Variants in PLEKHA5 observed in about 807,000 individuals in gnomAD.
PLEKHA5 encodes the protein pleckstrin homology domain-containing family A member 5.
In PLEKHA5, 55 loss-of-function variants were observed where a neutral mutation model predicts 181.9. The ratio of observed to expected loss-of-function variants is 0.30; its 90% CI spans 0.24 to 0.38. The LOEUF is 0.38. Among genes scored for constraint, PLEKHA5 ranks in the 10% least tolerant of loss-of-function variants. The probability of loss-of-function intolerance (pLI) is 1.00; values close to 1 mark genes in which losing one functional copy is unlikely to be tolerated. For missense variants in PLEKHA5, 1,432 were observed against 1,549.5 expected (o/e 0.92, Z 1.27); for synonymous variants, 535 against 529.4 (o/e 1.01, Z -0.15).
chr12:19,244,559 C>T (rs2063293254), intron 3 of PLEKHA5, among the ~76,000 whole-genome samples: 1 of 152,200 alleles, frequency 6.6e-6, no homozygotes, highest in African/African-American at 2.4e-5. Context: ...GAAGAATTGC[C>T]AAATGGCAGC....
chr12:19,304,662 G>A (rs986448342), intron 15 of PLEKHA5, among the ~76,000 whole-genome samples: 1 of 152,028 alleles, frequency 6.6e-6, no homozygotes, highest in African/African-American at 2.4e-5. Context: ...CAATACTCAA[G>A]GCTGTCTTTC....
intron 3 of PLEKHA5, among the ~76,000 whole-genome samples, chr12:19,246,985 A>T (rs1335367916): frequency 6.6e-6 from 1 of 151,946 alleles, no homozygotes; most frequent in Non-Finnish European, 1.5e-5. Flanking sequence ...GCCTATTTTT[A>T]TTGGGGTTTA....
chr12:19,265,063 T>C (rs1472845625), intron 7 of PLEKHA5, among the ~76,000 whole-genome samples: 1 of 152,246 alleles, frequency 6.6e-6, no homozygotes, highest in Admixed American at 6.5e-5. Flanking sequence ...CACTATTGTA[T>C]ATCAGAATGA....
chr12:19,141,145 C>T (rs931341309), intron 3 of PLEKHA5, among the ~76,000 whole-genome samples: 3 of 152,018 alleles, frequency 2.0e-5, no homozygotes, highest in Non-Finnish European at 4.4e-5. Flanking sequence ...TTCTTCAAGG[C>T]TCTTCCTCAC....
rs1345900233 is a variant in PLEKHA5 at position 19,287,574 on chromosome 12, T to G, written c.1863+18T>G. 1 of 1,336,392 alleles carries G rather than the reference T, an allele frequency of 7.5e-7. No individual in the cohort carries two copies. The highest frequency in any genetic ancestry group is 2.3e-5 in the East Asian group (1 of 43,622). The allele number at this position is 1,336,392 out of a possible 1,614,324, so 82.8% of individuals were successfully genotyped here. Reference sequence around the variant, plus strand: ...GGAAAACGGTGAGTAATATCTTTATTTACCATACCATGTTTTATTTATGTG... The same window carrying G: ...GGAAAACGGTGAGTAATATCTTTATGTACCATACCATGTTTTATTTATGTG... On this transcript the variant is annotated intron_variant, in intron 13 of 31. Coordinates refer to ENST00000429027, the MANE Select transcript of PLEKHA5 (RefSeq NM_001256470.2).
chr12:19,191,165 A>G (rs1250993222), intron 3 of PLEKHA5, among the ~76,000 whole-genome samples: 1 of 152,150 alleles, frequency 6.6e-6, no homozygotes, highest in Non-Finnish European at 1.5e-5. Context: ...TGTTATTTTA[A>G]AGTACTGGTA....
chr12:19,242,884 A>C (rs61433700), intron 3 of PLEKHA5, among the ~76,000 whole-genome samples: 1 of 152,190 alleles, frequency 6.6e-6, no homozygotes, highest in African/African-American at 2.4e-5. Flanking sequence ...AATGGTAGAA[A>C]TGTGAGGTAA....
intron 3 of PLEKHA5, among the ~76,000 whole-genome samples, chr12:19,215,372 G>A (rs1297190492): frequency 1.3e-5 from 2 of 152,042 alleles, no homozygotes; most frequent in Non-Finnish European, 2.9e-5. Flanking sequence ...CAGACGCTGA[G>A]TAACTATTTA....
intron 30 of PLEKHA5, 50 bp from the exon 31 acceptor site, chr12:19,369,643 A>G (rs568468024): frequency 8.7e-7 from 1 of 1,146,036 alleles, no homozygotes; most frequent in African/African-American, 1.5e-5. Context: ...TACTTCTCCA[A>G]ATGTGTCTTA....
At chr12:19,286,819 A>G (rs2077300587) in intron 12 of PLEKHA5, among the ~76,000 whole-genome samples, 1 of 151,946 alleles carries the variant, frequency 6.6e-6, no homozygotes, top group East Asian at 2.0e-4. Context: ...TACAAAAATT[A>G]GTCAGACGTG....
At chr12:19,206,354 A>G (rs2055513807) in intron 3 of PLEKHA5, among the ~76,000 whole-genome samples, 1 of 152,130 alleles carries the variant, frequency 6.6e-6, no homozygotes, top group South Asian at 2.1e-4. Context: ...TGTATTTATA[A>G]TAGGTGAACT....
chr12:19,267,374 C>T (rs1361359692), intron 8 of PLEKHA5, among the ~76,000 whole-genome samples: 2 of 152,132 alleles, frequency 1.3e-5, no homozygotes, highest in Non-Finnish European at 2.9e-5. Context: ...GTTACATGAG[C>T]AGGCCGGGCA....
intron 3 of PLEKHA5, among the ~76,000 whole-genome samples, chr12:19,170,245 G>T (rs1024390612): frequency 6.6e-6 from 1 of 152,144 alleles, no homozygotes; most frequent in African/African-American, 2.4e-5. Context: ...AAAATATGTG[G>T]ATGGCTTATA....
chr12:19,200,812 TAAAA>T (rs2054013533), intron 3 of PLEKHA5: 3 of 418,704 alleles, frequency 7.2e-6, no homozygotes, highest in Non-Finnish European at 9.6e-6. Flanking sequence ...TATGTAAGCA[TAAAA>T]AATTTTTAAA....
intron 25 of PLEKHA5, among the ~76,000 whole-genome samples, chr12:19,351,456 A>G (rs2094588593): frequency 6.6e-6 from 1 of 152,124 alleles, no homozygotes. Flanking sequence ...AATGAGGAGG[A>G]AGTTTATTGA....
At chr12:19,258,041 A>AT (rs1257228468) in intron 6 of PLEKHA5, among the ~76,000 whole-genome samples, 5 of 150,626 alleles carry the variant, frequency 3.3e-5, no homozygotes, top group African/African-American at 4.9e-5. Flanking sequence ...TCTTCCTCTT[A>AT]TTTTTTTTGG....
chr12:19,303,996 G>A (rs1005316714), intron 15 of PLEKHA5, among the ~76,000 whole-genome samples: 1 of 151,518 alleles, frequency 6.6e-6, no homozygotes, highest in Non-Finnish European at 1.5e-5. Context: ...TTTGTAGAGG[G>A]GGGGGTTTCA....
At chr12:19,142,237 T>C (rs2037575780) in intron 3 of PLEKHA5, among the ~76,000 whole-genome samples, 1 of 152,020 alleles carries the variant, frequency 6.6e-6, no homozygotes, top group Admixed American at 6.6e-5. Context: ...GTCATGGTGG[T>C]GTACCCCTAT....
At chr12:19,261,476 CCAAA>C (rs879930329) in intron 7 of PLEKHA5, among the ~76,000 whole-genome samples, 1 of 151,726 alleles carries the variant, frequency 6.6e-6, no homozygotes, top group Non-Finnish European at 1.5e-5. Context: ...TTTTTTTTGA[CCAAA>C]CACTGATAGC....
Sources: gnomAD v4.1 joint callset for allele counts (sites outside exome capture counted in the v4.1 genomes callset) on GRCh38, gnomAD v4.1.1 for gene constraint, MANE v1.5 for transcripts, NCBI Gene and HGNC (gene_info 2026-07-23, HGNC 2026-07-21) for gene names.